CFAP54: variants seen among roughly 807,000 people sequenced by gnomAD.
The protein encoded by CFAP54 is cilia- and flagella-associated protein 54.
In CFAP54, 290 loss-of-function variants were observed where a neutral mutation model predicts 370.4. That is an observed-to-expected ratio of 0.78 (90% CI 0.71 to 0.86). The LOEUF (loss-of-function observed/expected upper bound fraction) is 0.86. CFAP54 is among the 40% of genes least tolerant of loss of function. The pLI is 0.00. For missense variants in CFAP54, 3,399 were observed against 3,528.7 expected, an observed-to-expected ratio of 0.96 and a Z score of 0.93; for synonymous variants, 1,206 against 1,236.5, an observed-to-expected ratio of 0.98 and a Z score of 0.52.
Position 96,564,503 on chromosome 12 carries a change from A to G in CFAP54, c.2446A>G (p.Thr816Ala), listed in dbSNP as rs1398121933. 2 of 698,822 alleles carry G rather than the reference A, an allele frequency of 2.9e-6. No individual in the cohort carries two copies. The highest frequency in any genetic ancestry group is 5.2e-6 in the Non-Finnish European group (2 of 382,864). The allele number at this position is 698,822 out of a possible 1,614,324, so 43.3% of individuals were successfully genotyped here. A position where few individuals can be genotyped will look rare whatever the true frequency, so the allele number is the denominator to read the frequency against. ...TCCAACTGTTAGCAAAGATATTTCTACCAAGGGTCCGGAAAAGTTAAAACA... is the reference window on the plus strand; with the variant it reads ...TCCAACTGTTAGCAAAGATATTTCTGCCAAGGGTCCGGAAAAGTTAAAACA... ...QTPTVSKDIS[T>A]KGPEKLKQSG... The change falls in exon 18 of 68, where the codon ACC becomes GCC. Residue 816 changes from threonine to alanine, a missense_variant. Around this residue, in one of 3 missense-constraint regions of CFAP54, gnomAD observed 2,796 missense variants for 2,869.7 expected, o/e 0.97. Coordinates refer to ENST00000524981, the MANE Select transcript of CFAP54 (RefSeq NM_001306084.2).
chr12:96,543,503 C>A (rs976657213), intron 14 of CFAP54, among the ~76,000 whole-genome samples: 6 of 152,180 alleles, frequency 3.9e-5, no homozygotes, highest in Non-Finnish European at 7.3e-5. Context: ...CTCCTAACTT[C>A]TTTCATTCCT....
intron 26 of CFAP54, among the ~76,000 whole-genome samples, chr12:96,600,605 C>A (rs1278557023): frequency 6.6e-6 from 1 of 152,154 alleles, no homozygotes; most frequent in Non-Finnish European, 1.5e-5. Context: ...GATATTGATT[C>A]TTCCTATCCA....
intron 60 of CFAP54, among the ~76,000 whole-genome samples, chr12:96,769,207 C>A (rs977767047): frequency 1.3e-5 from 2 of 152,064 alleles, no homozygotes; most frequent in African/African-American, 4.8e-5. Context: ...TTTCTTGTGG[C>A]CTTGATAAAA....
At chr12:96,769,742 T>A (rs571399513) in intron 60 of CFAP54, among the ~76,000 whole-genome samples, 1 of 152,120 alleles carries the variant, frequency 6.6e-6, no homozygotes, top group East Asian at 1.9e-4. Context: ...ACAAATAGAG[T>A]TATACACCTG....
chr12:96,810,592 C>G (rs1240250948), intron 63 of CFAP54, among the ~76,000 whole-genome samples: 1 of 152,154 alleles, frequency 6.6e-6, no homozygotes, highest in East Asian at 1.9e-4. Flanking sequence ...TACCCAATTA[C>G]TCATACCGGA....
At chr12:96,543,039 T>G (rs1279524651) in intron 14 of CFAP54, among the ~76,000 whole-genome samples, 1 of 152,220 alleles carries the variant, frequency 6.6e-6, no homozygotes, top group African/African-American at 2.4e-5. Context: ...CTTACTTAGA[T>G]TCTGCTGATA....
intron 38 of CFAP54, 127 bp from the exon 39 acceptor site, chr12:96,663,703 T>C: frequency 1.6e-6 from 1 of 638,698 alleles, no homozygotes; most frequent in Non-Finnish European, 2.7e-6. Context: ...TTCTGCCAGC[T>C]TTTTTTGTAG....
At chr12:96,606,756 C>A (rs1258010814) in intron 26 of CFAP54, among the ~76,000 whole-genome samples, 1 of 152,148 alleles carries the variant, frequency 6.6e-6, no homozygotes, top group Non-Finnish European at 1.5e-5. Context: ...ACCTCATTCA[C>A]CTTGGAAACG....
chr12:96,715,466 G>A (rs532692652), intron 48 of CFAP54, among the ~76,000 whole-genome samples: 1 of 152,286 alleles, frequency 6.6e-6, no homozygotes, highest in East Asian at 1.9e-4. Context: ...GGAGGGATGA[G>A]ATGGCAGGGG....
chr12:96,874,612 C>CATTT (rs1960247988), intron 67 of CFAP54, among the ~76,000 whole-genome samples: 1 of 40,058 alleles, frequency 2.5e-5, no homozygotes, highest in East Asian at 6.9e-4. Flanking sequence ...GGGATCTCTG[C>CATTT]TTTTTTTTAT....
chr12:96,787,929 T>C (rs1565978308), intron 62 of CFAP54, among the ~76,000 whole-genome samples: 1 of 151,972 alleles, frequency 6.6e-6, no homozygotes, highest in Non-Finnish European at 1.5e-5. Flanking sequence ...GGTTTTTTTT[T>C]TGAGACAGAG....
chr12:96,842,182 T>C (rs1959224849), intron 66 of CFAP54, among the ~76,000 whole-genome samples: 1 of 152,228 alleles, frequency 6.6e-6, no homozygotes, highest in Non-Finnish European at 1.5e-5. Flanking sequence ...GCAGATAATA[T>C]ATATATTCTT....
chr12:96,517,081 A>G (rs1284586658), intron 5 of CFAP54, among the ~76,000 whole-genome samples: 1 of 150,998 alleles, frequency 6.6e-6, no homozygotes, highest in Non-Finnish European at 1.5e-5. Context: ...AATTATTTGT[A>G]GCTTTTAAGG....
Position 96,688,892 on chromosome 12 carries a change from T to G in CFAP54, c.6015-24T>G, listed in dbSNP as rs201825307. 6 of 1,399,880 alleles carry G rather than the reference T, an allele frequency of 4.3e-6. No homozygotes were observed. In the African/African-American group the frequency reaches 7.3e-5, roughly 17 times the overall value. The allele number at this position is 1,399,880 out of a possible 1,614,324, so 86.7% of individuals were successfully genotyped here. A position where few individuals can be genotyped will look rare whatever the true frequency, so the allele number is the denominator to read the frequency against. On this transcript the variant is annotated intron_variant, in intron 42 of 67. Transcript: ENST00000524981. The stretch of plus-strand genomic sequence containing the variant: ...TTTTTGGAAAATTTCTACTAATCAA[T>G]TTTTTTTTCTTATACTTACTTAGAT...
intron 32 of CFAP54, 55 bp downstream of exon 32, chr12:96,630,706 G>A: frequency 8.5e-7 from 1 of 1,182,224 alleles, no homozygotes; most frequent in South Asian, 1.9e-5. Context: ...ACTATGTGTT[G>A]GGCATTATTT....
intron 67 of CFAP54, among the ~76,000 whole-genome samples, chr12:96,874,253 A>G (rs906266717): frequency 1.3e-5 from 2 of 152,216 alleles, no homozygotes; most frequent in African/African-American, 4.8e-5. Flanking sequence ...ATTGATCTCA[A>G]TTCCACAGGA....
intron 42 of CFAP54, 81 bp from the exon 43 acceptor site, chr12:96,688,835 G>T: frequency 1.4e-6 from 1 of 700,614 alleles, no homozygotes; most frequent in East Asian, 3.0e-5. Context: ...TTGTGTTCTA[G>T]ATATATATGT....
chr12:96,773,751 A>G (rs948600873), intron 60 of CFAP54, among the ~76,000 whole-genome samples: 31 of 152,146 alleles, frequency 2.0e-4, no homozygotes, highest in Non-Finnish European at 8.8e-5. Flanking sequence ...AATTAAATTC[A>G]TTAGTCTCTT....
At chr12:96,837,241 G>A (rs186853734) in intron 66 of CFAP54, among the ~76,000 whole-genome samples, 99 of 152,066 alleles carry the variant, frequency 6.5e-4, no homozygotes, top group African/African-American at 2.3e-3. Context: ...CTTTAATTTT[G>A]TGTCTCATAT....
Sources: allele counts gnomAD v4.1 joint callset (sites outside exome capture counted in the v4.1 genomes callset), GRCh38; gene constraint gnomAD v4.1.1; regional missense constraint gnomAD v4.1.1; transcripts MANE v1.5; gene names NCBI Gene and HGNC (gene_info 2026-07-23, HGNC 2026-07-21).